MEF2C: variants seen among roughly 807,000 people sequenced by gnomAD.
The protein encoded by MEF2C is myocyte enhancer factor 2C, also known as myocyte-specific enhancer factor 2C.
In MEF2C, 6 loss-of-function variants were observed where a neutral mutation model predicts 50.5. The ratio of observed to expected loss-of-function variants is 0.12; its 90% CI spans 0.07 to 0.23. MEF2C has a LOEUF of 0.23. Ranked by LOEUF, MEF2C falls within the 10% of genes least tolerant of loss-of-function variation. The pLI is 1.00. For synonymous variants in MEF2C, 183 were observed against 228.0 expected, an observed-to-expected ratio of 0.80 and a Z score of 1.78; for missense variants, 276 against 605.0, an observed-to-expected ratio of 0.46 and a Z score of 5.70.
chr5:88,895,036 G>A (rs1834973811), intron 1 of MEF2C, among the ~76,000 whole-genome samples: 1 of 152,162 alleles, frequency 6.6e-6, no homozygotes, highest in Non-Finnish European at 1.5e-5. Context: ...TTGTACTTCT[G>A]TGGCCACTTA....
chr5:88,780,511 A>G (rs1366248848), intron 3 of MEF2C, among the ~76,000 whole-genome samples: 1 of 152,188 alleles, frequency 6.6e-6, no homozygotes. Flanking sequence ...TGTGATTAGA[A>G]TATTTAAAAT....
At chr5:88,826,831 C>T (rs1407520502) in intron 1 of MEF2C, among the ~76,000 whole-genome samples, 1 of 151,692 alleles carries the variant, frequency 6.6e-6, no homozygotes, top group East Asian at 1.9e-4. Context: ...ATTCCAACAG[C>T]CTTGCCACTA....
At chr5:88,816,072 G>C (rs1805193923) in intron 2 of MEF2C, among the ~76,000 whole-genome samples, 2 of 152,042 alleles carry the variant, frequency 1.3e-5, no homozygotes, top group South Asian at 2.1e-4. Context: ...AATTATATGA[G>C]ATATACAAAT....
chr5:88,740,502 C>T (rs1442146083), intron 6 of MEF2C: 2 of 983,062 alleles, frequency 2.0e-6, no homozygotes, highest in African/African-American at 3.5e-5. Context: ...GAAACTGAGG[C>T]TTAAGAAGCT....
intron 6 of MEF2C, chr5:88,742,705 T>G (rs1767406202): frequency 1.2e-5 from 12 of 985,358 alleles, no homozygotes; most frequent in Middle Eastern, 1.0e-3. Flanking sequence ...TGACTTAACC[T>G]GTAACATTTT....
chr5:88,897,599 A>G (rs1217396462), intron 1 of MEF2C, among the ~76,000 whole-genome samples: 2 of 152,158 alleles, frequency 1.3e-5, no homozygotes, highest in African/African-American at 4.8e-5. Flanking sequence ...CTTAAGAAAA[A>G]CTTAAGAATG....
Position 88,869,275 on chromosome 5 carries a change from A to G in MEF2C, c.-143+13680T>C, listed in dbSNP as rs1269907960. 8.7e-5 allele frequency among the ~76,000 whole-genome samples: 4 copies of G among 45,908 alleles called. No homozygotes were observed. In the South Asian group the frequency reaches 1.9e-3, roughly 21 times the overall value. The allele number at this position is 45,908 out of a possible 152,430, so 30.1% of individuals were successfully genotyped here. A position where few individuals can be genotyped will look rare whatever the true frequency, so the allele number is the denominator to read the frequency against. On this transcript the variant is annotated intron_variant, in intron 1 of 10. Transcript: ENST00000504921. ...TTCATATATATATATATATATATAT[A>G]TACATATATATATATATATACACAT...
intron 1 of MEF2C, among the ~76,000 whole-genome samples, chr5:88,851,565 A>G (rs180750142): frequency 1.3e-5 from 2 of 151,998 alleles, no homozygotes; most frequent in African/African-American, 4.8e-5. Context: ...AAACCCACTC[A>G]ATATAAACAG....
At chr5:88,825,660 A>C (rs1810548930) in intron 1 of MEF2C, 1 of 984,082 alleles carries the variant, frequency 1.0e-6, no homozygotes, top group Non-Finnish European at 1.2e-6. Flanking sequence ...ATCTATTTTT[A>C]GAAAACGTCT....
At chr5:88,842,424 CTG>C (rs1382014185) in intron 1 of MEF2C, among the ~76,000 whole-genome samples, 1 of 151,656 alleles carries the variant, frequency 6.6e-6, no homozygotes, top group Non-Finnish European at 1.5e-5. Flanking sequence ...GAATCTGTGA[CTG>C]TAATATTTAG....
At chr5:88,797,537 T>C (rs144665051) in intron 3 of MEF2C, among the ~76,000 whole-genome samples, 1,832 of 148,822 alleles carry the variant, frequency 0.012, 18 homozygotes, top group Non-Finnish European at 0.02. Flanking sequence ...AGCCTATGTG[T>C]GTCTTTGTAC....
At chr5:88,726,408 T>A (rs951546529) in intron 10 of MEF2C, among the ~76,000 whole-genome samples, 4 of 152,080 alleles carry the variant, frequency 2.6e-5, no homozygotes, top group Non-Finnish European at 5.9e-5. Flanking sequence ...TGGGATTTTT[T>A]AAAAAAACAG....
chr5:88,823,621 C>T, intron 2 of MEF2C, 114 bp downstream of exon 2: 1 of 1,002,812 alleles, frequency 1.0e-6, no homozygotes, highest in East Asian at 2.6e-5. Flanking sequence ...ATTTAATTAA[C>T]CCAAACTTCT....
At chr5:88,743,480 G>C in intron 6 of MEF2C, 5 of 985,116 alleles carry the variant, frequency 5.1e-6, no homozygotes, top group Non-Finnish European at 4.8e-6. Flanking sequence ...TTTCCACTTA[G>C]TTCTATTTTG....
At chr5:88,799,876 A>T (rs911753431) in intron 3 of MEF2C, among the ~76,000 whole-genome samples, 11 of 75,436 alleles carry the variant, frequency 1.5e-4, no homozygotes, top group South Asian at 4.9e-4. Flanking sequence ...TCTCTCACAC[A>T]CACACACACA....
chr5:88,830,209 A>G (rs919280327), intron 1 of MEF2C, among the ~76,000 whole-genome samples: 1 of 152,074 alleles, frequency 6.6e-6, no homozygotes, highest in African/African-American at 2.4e-5. Context: ...GGAAATAACT[A>G]GGGAAATACA....
rs752759447 is a variant in MEF2C, at chr5:88,751,854, T to C, written c.589+3A>G. 4 of 1,613,630 alleles carry C rather than the reference T, an allele frequency of 2.5e-6. No individual in the cohort carries two copies. Among genetic ancestry groups the C allele is most frequent in the African/African-American group, 1.3e-5 (1 of 74,920 alleles). ...TTAGCATTACATCCTTATGAGGACA[T>C]ACCTGTGTTACCTGCACTTGGAGGT... is the stretch of plus-strand genomic sequence containing the variant. On this transcript the variant is annotated splice_donor_region_variant and intron_variant, in intron 5 of 10. Coordinates refer to ENST00000504921, the MANE Select transcript of MEF2C (RefSeq NM_002397.5).
chr5:88,813,190 G>A (rs1430429468), intron 2 of MEF2C, among the ~76,000 whole-genome samples: 3 of 151,886 alleles, frequency 2.0e-5, no homozygotes, highest in Non-Finnish European at 2.9e-5. Context: ...GCACTAGTGG[G>A]CACAAACTAG....
At chr5:88,829,534 G>A (rs1224870186) in intron 1 of MEF2C, among the ~76,000 whole-genome samples, 1 of 152,016 alleles carries the variant, frequency 6.6e-6, no homozygotes, top group Non-Finnish European at 1.5e-5. Context: ...CTGACAATCA[G>A]TTAAGATGTG....
Sources: gnomAD v4.1 joint callset for allele counts (sites outside exome capture counted in the v4.1 genomes callset) on GRCh38, gnomAD v4.1.1 for gene constraint, MANE v1.5 for transcripts, NCBI Gene and HGNC (gene_info 2026-07-23, HGNC 2026-07-21) for gene names.